Variants in XYLT1 observed in about 807,000 individuals in gnomAD.
The protein encoded by XYLT1 is beta-D-xylosyltransferase 1.
A neutral mutation model predicts 91.3 loss-of-function variants in XYLT1; 36 were observed. That is an observed-to-expected ratio of 0.39 (90% CI 0.30 to 0.52). The LOEUF is 0.52. Ranked by LOEUF, XYLT1 falls within the 20% of genes least tolerant of loss-of-function variation. The pLI is 0.68. For missense variants in XYLT1, 1,242 were observed against 1,284.5 expected (o/e 0.97, Z 0.51); for synonymous variants, 588 against 532.0 (o/e 1.11, Z -1.45).
intron 2 of XYLT1, among the ~76,000 whole-genome samples, chr16:17,304,349 T>C (rs1028837042): frequency 1.3e-5 from 2 of 152,202 alleles, no homozygotes; most frequent in African/African-American, 4.8e-5. Flanking sequence ...TGACTATCTC[T>C]GTCAGTGTGT....
chr16:17,283,623 A>G (rs984832104), intron 2 of XYLT1, among the ~76,000 whole-genome samples: 2 of 152,234 alleles, frequency 1.3e-5, no homozygotes, highest in Non-Finnish European at 2.9e-5. Flanking sequence ...AAATGACAAC[A>G]ATGAAAGACC....
chr16:17,204,853 G>C (rs1041435387), intron 3 of XYLT1, among the ~76,000 whole-genome samples: 3 of 151,058 alleles, frequency 2.0e-5, no homozygotes, highest in Non-Finnish European at 2.9e-5. Context: ...TAGAGGAAAT[G>C]TGTCAGCTTT....
rs116703613 is a variant in XYLT1, at chr16:17,312,857, G to A, written c.402+45155C>T. Reference sequence around the variant, plus strand: ...TCTCCGGCAAGTTCTGGTAACTAGTGCAAACTCGCTCATGGATCAGAGATG... The same window carrying A: ...TCTCCGGCAAGTTCTGGTAACTAGTACAAACTCGCTCATGGATCAGAGATG... On this transcript the variant is annotated intron_variant, in intron 2 of 11. Transcript: ENST00000261381. This position sits in a 1 kb window ranked among gnomAD's most constrained non-coding sequence, Gnocchi z 4.4. 6.0e-3 allele frequency among the ~76,000 whole-genome samples: 909 copies of A among 152,344 alleles called. 7 individuals are homozygous for A. The highest frequency in any genetic ancestry group is 0.021 in the African/African-American group (856 of 41,590).
chr16:17,249,650 TTTTGTTTGTTTGTTTGTTTG>T (rs10607398), intron 3 of XYLT1: 1 of 151,728 alleles, frequency 6.6e-6, no homozygotes, highest in Admixed American at 6.6e-5. Context: ...TATGTAGTTT[TTTTGTTTGTTTGTTTGTTTG>T]TTTGTTTGTT....
chr16:17,207,941 C>T (rs563415643), intron 3 of XYLT1, among the ~76,000 whole-genome samples: 1 of 152,286 alleles, frequency 6.6e-6, no homozygotes, highest in African/African-American at 2.4e-5. Context: ...CCCTCCCTGA[C>T]TCTCTTCCCC....
intron 2 of XYLT1, among the ~76,000 whole-genome samples, chr16:17,333,849 A>T (rs1250506428): frequency 6.6e-6 from 1 of 151,976 alleles, no homozygotes; most frequent in Non-Finnish European, 1.5e-5. Flanking sequence ...CGGCCTCCCA[A>T]AGTGCTGGGA....
rs900791201 is a variant in XYLT1, at chr16:17,452,836, A to G, written c.363+17598T>C. 2.0e-5 allele frequency among the ~76,000 whole-genome samples: 3 copies of G among 152,158 alleles called. 1 individual carries two copies. Among genetic ancestry groups the G allele is most frequent in the Admixed American group, 2.0e-4 (3 of 15,264 alleles). ...TAGAACATCTAGAAAGTAGTCTTTA[A>G]AAAGAGAAGTTCTTCCCCTAGAATA... On this transcript the variant is annotated intron_variant, in intron 1 of 11. Coordinates refer to ENST00000261381, the MANE Select transcript of XYLT1 (RefSeq NM_022166.4).
intron 2 of XYLT1, among the ~76,000 whole-genome samples, chr16:17,299,040 T>C (rs535575428): frequency 6.6e-6 from 1 of 152,294 alleles, no homozygotes; most frequent in East Asian, 1.9e-4. Flanking sequence ...TATAATATTA[T>C]GTATTTGCCT....
chr16:17,398,248 C>G (rs1466018137), intron 1 of XYLT1, among the ~76,000 whole-genome samples: 1 of 152,126 alleles, frequency 6.6e-6, no homozygotes, highest in East Asian at 1.9e-4. Flanking sequence ...TCTACTGAAT[C>G]CAACAAGCAC....
At chr16:17,368,008 T>G (rs2035476870) in intron 1 of XYLT1, among the ~76,000 whole-genome samples, 1 of 152,220 alleles carries the variant, frequency 6.6e-6, no homozygotes, top group African/African-American at 2.4e-5. Context: ...CTTCCTCCTC[T>G]TTTGCTCCTT....
At chr16:17,163,665 C>G (rs942845194) in intron 5 of XYLT1, among the ~76,000 whole-genome samples, 2 of 152,144 alleles carry the variant, frequency 1.3e-5, no homozygotes, top group African/African-American at 4.8e-5. Flanking sequence ...GGATTTCAAA[C>G]CTCTGATGCT....
In XYLT1 at chr16:17,117,977, G is replaced by C; in HGVS notation, c.2226C>G (p.Val742=). 6.2e-7 allele frequency: 1 copy of C among 1,606,634 alleles called. No homozygotes were observed. Among genetic ancestry groups the C allele is most frequent in the Non-Finnish European group, 8.5e-7 (1 of 1,174,520 alleles). The change falls in exon 11 of 12, where the codon GTC becomes GTG. Residue 742 remains valine, a splice_region_variant and synonymous_variant. Transcript: ENST00000261381. ...TCTCCTTGGCATCCCAGTCAGTGCC[G>C]ACCTGAAACAGGGGAGTGAATTCTG... ...SDFGRLQFSE[V]GTDWDAKERL...
intron 1 of XYLT1, among the ~76,000 whole-genome samples, chr16:17,367,940 A>G (rs1425143256): frequency 6.6e-6 from 1 of 152,176 alleles, no homozygotes; most frequent in Non-Finnish European, 1.5e-5. Context: ...CCAAATCTGG[A>G]GTTCATCCCA....
rs1050135860 is a variant in XYLT1, at chr16:17,164,858, T to C, written c.1290-5949A>G. On this transcript the variant is annotated intron_variant, in intron 5 of 11. Coordinates refer to ENST00000261381, the MANE Select transcript of XYLT1 (RefSeq NM_022166.4). ...CACATATGGAAGAGGTCAACTGTCCTGGTTTGCCCAGGACTGAGGGAGTTC... is the reference window on the plus strand; with the variant it reads ...CACATATGGAAGAGGTCAACTGTCCCGGTTTGCCCAGGACTGAGGGAGTTC... 4.6e-5 allele frequency among the ~76,000 whole-genome samples: 7 copies of C among 152,222 alleles called. No homozygotes were observed. The East Asian group carries it at 1.2e-3, about 25-fold the overall frequency.
chr16:17,427,196 G>A (rs748374783), intron 1 of XYLT1, among the ~76,000 whole-genome samples: 1 of 152,240 alleles, frequency 6.6e-6, no homozygotes, highest in African/African-American at 2.4e-5. Flanking sequence ...GAGAAGGGAC[G>A]ATAGCACCAC....
At chr16:17,238,939 A>T (rs1248125563) in intron 3 of XYLT1, among the ~76,000 whole-genome samples, 1 of 152,152 alleles carries the variant, frequency 6.6e-6, no homozygotes, top group Non-Finnish European at 1.5e-5. Context: ...CATTTTCTAG[A>T]TGCAGTAATT....
intron 1 of XYLT1, among the ~76,000 whole-genome samples, chr16:17,396,728 G>A (rs554901879): frequency 1.1e-3 from 163 of 152,220 alleles, no homozygotes; most frequent in Non-Finnish European, 2.0e-3. Flanking sequence ...AAAATTAGCC[G>A]GGCGTGGTGG....
At chr16:17,401,144 A>G (rs1596526405) in intron 1 of XYLT1, among the ~76,000 whole-genome samples, 1 of 152,190 alleles carries the variant, frequency 6.6e-6, no homozygotes. Flanking sequence ...TCATGGCTGG[A>G]AAGCTTGCAA....
chr16:17,293,408 G>A (rs981392065), intron 2 of XYLT1, among the ~76,000 whole-genome samples: 4 of 151,704 alleles, frequency 2.6e-5, no homozygotes, highest in African/African-American at 7.3e-5. Context: ...ATTAAATAAC[G>A]TGACACTTTG....
Sources: allele counts gnomAD v4.1 joint callset (sites outside exome capture counted in the v4.1 genomes callset), GRCh38; gene constraint gnomAD v4.1.1; non-coding constraint Gnocchi (gnomAD v3.1); transcripts MANE v1.5; gene names NCBI Gene and HGNC (gene_info 2026-07-23, HGNC 2026-07-21).